SLX4IP: variants seen among roughly 807,000 people sequenced by gnomAD.
SLX4IP encodes the protein protein SLX4IP.
A neutral mutation model predicts 32.9 loss-of-function variants in SLX4IP; 34 were observed. The ratio of observed to expected loss-of-function variants is 1.03; its 90% CI spans 0.79 to 1.38. SLX4IP has a LOEUF of 1.38. SLX4IP is among the 40% of genes most tolerant of loss of function. The probability of loss-of-function intolerance (pLI) is 0.00; values close to 1 mark genes in which losing one functional copy is unlikely to be tolerated. For missense variants in SLX4IP, 444 were observed against 479.0 expected (o/e 0.93, Z 0.68); for synonymous variants, 172 against 171.7 (o/e 1.00, Z -0.01).
chr20:10,439,355 C>T lies in SLX4IP; in HGVS notation c.-30+3902C>T, dbSNP rs138095965. 1.7e-4 allele frequency among the ~76,000 whole-genome samples: 26 copies of T among 152,058 alleles called. No individual in the cohort carries two copies. In the East Asian group the frequency reaches 1.9e-3, roughly 11 times the overall value. ...TCCCGAGTAGCTGGGACTACAGGTG[C>T]GCACCACTGTGCCTGGCTAATTTTT... On this transcript the variant is annotated intron_variant, in intron 1 of 7. Transcript: ENST00000334534.
At chr20:10,499,372 C>T (rs2065697439) in intron 2 of SLX4IP, among the ~76,000 whole-genome samples, 1 of 152,164 alleles carries the variant, frequency 6.6e-6, no homozygotes, top group East Asian at 1.9e-4. Context: ...CAAAGTATCA[C>T]AAAATAATAT....
chr20:10,496,389 G>T (rs986344372), intron 2 of SLX4IP, among the ~76,000 whole-genome samples: 1 of 152,046 alleles, frequency 6.6e-6, no homozygotes. Flanking sequence ...TTTAGAGTTT[G>T]CTCATAATTC....
At position 10,628,001 on chromosome 20, in the gene SLX4IP, A is replaced by G. The variant is rs997017114; in HGVS notation, c.*4622A>G. 3 of 152,238 alleles carry G rather than the reference A, an allele frequency of 2.0e-5. No individual in the cohort carries two copies. Among genetic ancestry groups the G allele is most frequent in the African/African-American group, 7.2e-5 (3 of 41,462 alleles). 9.4% of individuals were successfully genotyped at this position (152,238 alleles called of 1,614,324 possible). Reference sequence around the variant, plus strand: ...CTATGTAATAGAAATGTACTGTTTTATGAATAAGGAGTAAAATTGTTTTAA... The same window carrying G: ...CTATGTAATAGAAATGTACTGTTTTGTGAATAAGGAGTAAAATTGTTTTAA... On this transcript the variant is annotated 3_prime_UTR_variant, in exon 8 of 8. Coordinates refer to ENST00000334534, the MANE Select transcript of SLX4IP (RefSeq NM_001009608.3).
chr20:10,606,613 A>AT (rs2066909160), intron 6 of SLX4IP, among the ~76,000 whole-genome samples: 1 of 152,168 alleles, frequency 6.6e-6, no homozygotes, highest in African/African-American at 2.4e-5. Flanking sequence ...ATGAACTTAG[A>AT]TTTTACCTAA....
chr20:10,572,352 AATC>A (rs1307494374), intron 4 of SLX4IP, among the ~76,000 whole-genome samples: 2 of 152,174 alleles, frequency 1.3e-5, no homozygotes, highest in African/African-American at 4.8e-5. Context: ...ATTTTCCTCT[AATC>A]ATAAAAACAC....
intron 2 of SLX4IP, among the ~76,000 whole-genome samples, chr20:10,478,792 C>G (rs1473778765): frequency 2.6e-5 from 4 of 152,162 alleles, no homozygotes; most frequent in Non-Finnish European, 5.9e-5. Flanking sequence ...CCCCAGACTC[C>G]TTTGTAAAAG....
chr20:10,455,285 A>C (rs2065275420), intron 1 of SLX4IP, among the ~76,000 whole-genome samples: 1 of 152,128 alleles, frequency 6.6e-6, no homozygotes, highest in African/African-American at 2.4e-5. Flanking sequence ...ATATCTAAGA[A>C]ACTGTTGCCT....
chr20:10,473,876 G>A (rs1417517972), intron 2 of SLX4IP, among the ~76,000 whole-genome samples: 2 of 151,840 alleles, frequency 1.3e-5, no homozygotes, highest in African/African-American at 2.4e-5. Flanking sequence ...AGGCTAGAGT[G>A]TGGTGGCGTG....
intron 2 of SLX4IP, among the ~76,000 whole-genome samples, chr20:10,513,218 C>T (rs1397586471): frequency 1.3e-5 from 2 of 152,002 alleles, no homozygotes; most frequent in Admixed American, 1.3e-4. Context: ...TCTTAGGAAA[C>T]AGCTGCTAAC....
chr20:10,606,037 C>T (rs1044623240), intron 6 of SLX4IP, among the ~76,000 whole-genome samples: 1 of 152,184 alleles, frequency 6.6e-6, no homozygotes, highest in Non-Finnish European at 1.5e-5. Context: ...GCCCTCCTCT[C>T]ATTCAAGGGG....
intron 2 of SLX4IP, among the ~76,000 whole-genome samples, chr20:10,534,920 C>T (rs930752733): frequency 2.6e-5 from 4 of 152,178 alleles, no homozygotes; most frequent in African/African-American, 9.7e-5. Context: ...GATAGAAAGG[C>T]GTAAAATGCA....
At chr20:10,446,826 T>C (rs6133938) in intron 1 of SLX4IP, among the ~76,000 whole-genome samples, 7,723 of 152,292 alleles carry the variant, frequency 0.051, 280 homozygotes, top group East Asian at 0.19. Flanking sequence ...CTTTTTACTA[T>C]TGAATTTTGA....
chr20:10,530,531 G>A (rs1386900346), intron 2 of SLX4IP, among the ~76,000 whole-genome samples: 1 of 152,168 alleles, frequency 6.6e-6, no homozygotes, highest in Non-Finnish European at 1.5e-5. Context: ...TTTCCATGGA[G>A]TCTGCGTGCT....
At chr20:10,593,960 G>T (rs564482161) in intron 4 of SLX4IP, among the ~76,000 whole-genome samples, 1 of 152,314 alleles carries the variant, frequency 6.6e-6, no homozygotes, top group Non-Finnish European at 1.5e-5. Flanking sequence ...TTGAATATAG[G>T]CTGATTATTT....
chr20:10,458,669 A>T (rs1199910448), intron 2 of SLX4IP, among the ~76,000 whole-genome samples: 1 of 152,180 alleles, frequency 6.6e-6, no homozygotes, highest in East Asian at 1.9e-4. Context: ...AGCTCCATCC[A>T]CGTCCCTGCA....
intron 4 of SLX4IP, among the ~76,000 whole-genome samples, chr20:10,581,901 C>G (rs1463082619): frequency 6.6e-6 from 1 of 152,050 alleles, no homozygotes; most frequent in East Asian, 1.9e-4. Context: ...CATCAAAGCC[C>G]CCTGTAACTG....
intron 3 of SLX4IP, among the ~76,000 whole-genome samples, chr20:10,557,328 A>T (rs144401156): frequency 6.6e-6 from 1 of 152,240 alleles, no homozygotes; most frequent in Non-Finnish European, 1.5e-5. Context: ...GGATAATATT[A>T]TCAAGACTTT....
intron 4 of SLX4IP, among the ~76,000 whole-genome samples, chr20:10,579,189 T>G (rs2066555481): frequency 6.6e-6 from 1 of 152,200 alleles, no homozygotes; most frequent in Non-Finnish European, 1.5e-5. Flanking sequence ...AGTTTTATAG[T>G]TTTAGCTCTT....
intron 1 of SLX4IP, among the ~76,000 whole-genome samples, chr20:10,438,176 G>A (rs1004332259): frequency 2.6e-5 from 4 of 151,958 alleles, no homozygotes; most frequent in Non-Finnish European, 5.9e-5. Context: ...GTTTAGAAAA[G>A]AGGGTGATAT....
Sources: gnomAD v4.1 joint callset for allele counts (sites outside exome capture counted in the v4.1 genomes callset) on GRCh38, gnomAD v4.1.1 for gene constraint, MANE v1.5 for transcripts, NCBI Gene and HGNC (gene_info 2026-07-23, HGNC 2026-07-21) for gene names.